The following ARID1B variants were observed in gnomAD, a reference collection of about 807,000 sequenced individuals.
The protein encoded by ARID1B is AT-rich interactive domain-containing protein 1B.
Under a neutral mutation model 212.3 loss-of-function variants are expected in ARID1B, and 30 were observed. The ratio of observed to expected loss-of-function variants is 0.14; its 90% CI spans 0.11 to 0.19. The LOEUF is 0.19. Ranked by LOEUF, ARID1B falls within the 10% of genes least tolerant of loss-of-function variation. ARID1B has a pLI of 1.00. For missense variants in ARID1B, 2,891 were observed against 3,204.0 expected (o/e 0.90, Z 2.36); for synonymous variants, 1,402 against 1,301.7 (o/e 1.08, Z -1.66).
chr6:156,980,478 CATCTCA>C (rs1777539355), intron 4 of ARID1B, among the ~76,000 whole-genome samples: 5 of 132,736 alleles, frequency 3.8e-5, no homozygotes, highest in Non-Finnish European at 8.2e-5. Context: ...AGCCAACCTA[CATCTCA>C]AAAACAAAAC....
rs2128314147 is a variant in ARID1B, at chr6:157,179,801, C to T, written c.3505-1168C>T. On this transcript the variant is annotated intron_variant, in intron 11 of 19. Coordinates refer to ENST00000636930, the MANE Select transcript of ARID1B (RefSeq NM_001374828.1). ...TTCTCAGGCATCCTTTCTGAGGGAC[C>T]TACTTTTACTGGAGATCATTCTGCT... 2.0e-5 allele frequency among the ~76,000 whole-genome samples: 3 copies of T among 152,280 alleles called. No homozygotes were observed. In the South Asian group the frequency reaches 6.2e-4, roughly 32 times the overall value.
At chr6:156,787,880 A>AT (rs1268802877) in intron 1 of ARID1B, among the ~76,000 whole-genome samples, 4 of 151,656 alleles carry the variant, frequency 2.6e-5, no homozygotes, top group Non-Finnish European at 2.9e-5. Flanking sequence ...CTCAGCACCC[A>AT]TTTTCTCTGC....
intron 4 of ARID1B, among the ~76,000 whole-genome samples, chr6:157,033,752 G>T (rs565072530): frequency 9.2e-5 from 14 of 152,332 alleles, no homozygotes; most frequent in Admixed American, 2.6e-4. Context: ...AGAGCTCTTA[G>T]AGGTTCTCTA....
At position 157,094,873 on chromosome 6, in the gene ARID1B, G is replaced by T. The variant is rs1016007256; in HGVS notation, c.2491+9968G>T. Among the ~76,000 whole-genome samples, 4 of 152,200 alleles carry T rather than the reference G, an allele frequency of 2.6e-5. No individual in the cohort carries two copies. Among genetic ancestry groups the T allele is most frequent in the Non-Finnish European group, 4.4e-5 (3 of 68,044 alleles). ...CATAGCGGGAGTAGTGGCAGAAGGA[G>T]TTTGGCCGAAGGAATTGGTAAATGA... On this transcript the variant is annotated intron_variant, in intron 5 of 19. Transcript: ENST00000636930. The surrounding 1 kb of genome is among the most constrained non-coding windows in gnomAD (Gnocchi z 4.3).
At chr6:157,115,587 C>T (rs980268504) in intron 6 of ARID1B, among the ~76,000 whole-genome samples, 6 of 152,042 alleles carry the variant, frequency 3.9e-5, no homozygotes, top group East Asian at 1.9e-4. Flanking sequence ...CCACCACGCC[C>T]GGCTAATTTT....
chr6:156,812,928 T>C (rs1267932866), intron 1 of ARID1B, among the ~76,000 whole-genome samples: 1 of 114,782 alleles, frequency 8.7e-6, no homozygotes, highest in Non-Finnish European at 1.8e-5. Flanking sequence ...AAAATTATAA[T>C]CCTGGGTGTG....
chr6:156,779,236 G>A lies in ARID1B; in HGVS notation c.1556G>A (p.Ser519Asn), dbSNP rs770362902. 1 of 1,231,382 alleles carries A rather than the reference G, an allele frequency of 8.1e-7. No homozygotes were observed. The highest frequency in any genetic ancestry group is 2.7e-5 in the South Asian group (1 of 37,226). The allele number at this position is 1,231,382 out of a possible 1,614,324, so 76.3% of individuals were successfully genotyped here. ...PSPMMRSYGGSYPEYSSPSAP... is the reference protein window; with the variant it reads ...PSPMMRSYGGNYPEYSSPSAP... ...CCCATGATGCGGAGCTACGGCGGCA[G>A]CTACCCCGAGTACAGCAGCCCCAGC... The change falls in exon 1 of 20, where the codon AGC becomes AAC. Residue 519 changes from serine (S) to asparagine (N), a missense_variant. Ser to Asn is a conservative substitution (Grantham distance 46). Transcript: ENST00000636930.
intron 1 of ARID1B, among the ~76,000 whole-genome samples, chr6:156,807,014 A>G (rs913854109): frequency 1.3e-5 from 2 of 152,188 alleles, no homozygotes; most frequent in African/African-American, 4.8e-5. Flanking sequence ...AATGTAAAAC[A>G]TATTCTTAGC....
At chr6:157,039,878 TTTCTC>T (rs1781743734) in intron 4 of ARID1B, among the ~76,000 whole-genome samples, 1 of 91,944 alleles carries the variant, frequency 1.1e-5, no homozygotes, top group Admixed American at 1.1e-4. Context: ...TTCTCTTTCT[TTTCTC>T]TTCCTTCCTT....
Position 157,207,931 on chromosome 6 carries a change from G to A in ARID1B, c.*40G>A. On this transcript the variant is annotated 3_prime_UTR_variant, in exon 20 of 20. Transcript: ENST00000636930. This position sits in a 1 kb window ranked among gnomAD's most constrained non-coding sequence, Gnocchi z 8.5. ...CAAGCATGTGTGAGTGAAGATTAGA[G>A]GGTCACATATAACTGGCTGTTTTCT... The A allele has an allele frequency of 6.9e-7, 1 of 1,450,166 alleles. No individual in the cohort carries two copies. Among genetic ancestry groups the A allele is most frequent in the Non-Finnish European group, 9.1e-7 (1 of 1,098,660 alleles). 89.8% of individuals were successfully genotyped at this position (1,450,166 alleles called of 1,614,324 possible).
rs762583011 is a variant in ARID1B, at chr6:157,189,799, G to C, written c.4058+19G>C. On this transcript the variant is annotated intron_variant, in intron 14 of 19. Transcript: ENST00000636930. ...GTGGAAGGTATGTTCAAATAACTCT[G>C]TGAGGCATACAAAGTCACATTTGTT... The C allele has an allele frequency of 2.5e-6, 4 of 1,612,580 alleles. No homozygotes were observed. In the African/African-American group the frequency reaches 5.3e-5, roughly 22 times the overall value.
chr6:156,778,958 CGCGGCGGCGGCGGCAGCAGCAGGAGGCG>C lies in ARID1B; in HGVS notation c.1293_1320del (p.Ala432MetfsTer11), dbSNP rs1554247989. ...GAGCGGGAGCTGTGGCGGCGGCGGC[CGCGGCGGCGGCGGCAGCAGCAGGAGGCG>C]GCGGCGGCGGCGGCTATGGGGGCTC... is the stretch of plus-strand genomic sequence containing the variant. On this transcript the variant is annotated frameshift_variant, in exon 1 of 20. Transcript: ENST00000636930. LOFTEE classifies it high-confidence loss of function. The C allele has an allele frequency of 7.9e-7, 1 of 1,272,684 alleles. No individual in the cohort carries two copies. Among genetic ancestry groups the C allele is most frequent in the South Asian group, 3.2e-5 (1 of 31,670 alleles). The allele number at this position is 1,272,684 out of a possible 1,614,324, so 78.8% of individuals were successfully genotyped here. A position where few individuals can be genotyped will look rare whatever the true frequency, so the allele number is the denominator to read the frequency against.
At chr6:157,127,792 A>C (rs914552472) in intron 6 of ARID1B, among the ~76,000 whole-genome samples, 1 of 122,140 alleles carries the variant, frequency 8.2e-6, no homozygotes, top group African/African-American at 3.2e-5. Flanking sequence ...TCAAAAAAAA[A>C]AAAAAAAAAA....
chr6:157,142,193 G>A (rs1391278021), intron 7 of ARID1B, among the ~76,000 whole-genome samples: 1 of 152,206 alleles, frequency 6.6e-6, no homozygotes, highest in African/African-American at 2.4e-5. Flanking sequence ...GTGGTTGCCA[G>A]GGGGTGGCAT....
intron 6 of ARID1B, among the ~76,000 whole-genome samples, chr6:157,132,704 CT>C (rs1238102123): frequency 6.6e-6 from 1 of 152,174 alleles, no homozygotes; most frequent in African/African-American, 2.4e-5. Flanking sequence ...CAGTCGGTCA[CT>C]GTTGCTTTTT....
At chr6:156,961,899 C>CA (rs1794403028) in intron 4 of ARID1B, among the ~76,000 whole-genome samples, 1 of 152,182 alleles carries the variant, frequency 6.6e-6, no homozygotes, top group Non-Finnish European at 1.5e-5. Flanking sequence ...CTTCTAATCT[C>CA]TTCTAAGTCA....
In ARID1B at chr6:156,778,078, C is replaced by T. The variant is rs1226326033; in HGVS notation, c.398C>T (p.Ser133Phe). ...SSAAAAAASS[S>F]SSSGPGSAME... ...GCGGCGGCAGCGGCGGCATCCTCTT[C>T]CTCCTCGTCGGGCCCGGGCTCGGCC... is the stretch of plus-strand genomic sequence containing the variant. Residue 133 changes from serine to phenylalanine, a missense_variant, in exon 1 of 20, where the codon TCC becomes TTC. This residue lies in a region of ARID1B where 1,643 missense variants were observed against 1,544.0 expected (regional missense o/e 1.06). Transcript: ENST00000636930. 16 of 1,539,846 alleles carry T rather than the reference C, an allele frequency of 1.0e-5. No homozygotes were observed. Among genetic ancestry groups the T allele is most frequent in the Non-Finnish European group, 1.4e-5 (16 of 1,146,314 alleles).
chr6:156,970,979 G>A (rs933094316), intron 4 of ARID1B, among the ~76,000 whole-genome samples: 3 of 152,208 alleles, frequency 2.0e-5, no homozygotes, highest in Non-Finnish European at 2.9e-5. Context: ...TTCTGCAGCC[G>A]GTGGAGCCCT....
intron 5 of ARID1B, among the ~76,000 whole-genome samples, chr6:157,104,278 A>G (rs1786307259): frequency 6.6e-6 from 1 of 152,238 alleles, no homozygotes; most frequent in Admixed American, 6.5e-5. Flanking sequence ...GGTAAAATGT[A>G]TATGCTTTAG....
Sources: allele counts gnomAD v4.1 joint callset (sites outside exome capture counted in the v4.1 genomes callset), GRCh38; gene constraint gnomAD v4.1.1; regional missense constraint gnomAD v4.1.1; non-coding constraint Gnocchi (gnomAD v3.1); transcripts MANE v1.5; gene names NCBI Gene and HGNC (gene_info 2026-07-23, HGNC 2026-07-21).